The following EYA4 variants were observed in gnomAD, a reference collection of about 807,000 sequenced individuals.
The protein encoded by EYA4 is EYA transcriptional coactivator and phosphatase 4, also known as protein phosphatase EYA4.
Under a neutral mutation model 87.9 loss-of-function variants are expected in EYA4, and 31 were observed. The ratio of observed to expected loss-of-function variants is 0.35; its 90% CI spans 0.27 to 0.48. The LOEUF is 0.48. Among genes scored for constraint, EYA4 ranks in the 20% least tolerant of loss-of-function variants. The probability of loss-of-function intolerance (pLI) is 0.99; values close to 1 mark genes in which losing one functional copy is unlikely to be tolerated. For synonymous variants in EYA4, 263 were observed against 270.6 expected, an observed-to-expected ratio of 0.97 and a Z score of 0.28; for missense variants, 678 against 761.4, an observed-to-expected ratio of 0.89 and a Z score of 1.29.
At chr6:133,500,380 T>C (rs1045271537) in intron 13 of EYA4, among the ~76,000 whole-genome samples, 25 of 152,156 alleles carry the variant, frequency 1.6e-4, no homozygotes, top group African/African-American at 5.3e-4. Context: ...TACTTTTCCA[T>C]AACGCCTCTC....
intron 2 of EYA4, among the ~76,000 whole-genome samples, chr6:133,381,902 T>C (rs933972800): frequency 1.4e-4 from 22 of 152,338 alleles, no homozygotes; most frequent in African/African-American, 5.1e-4. Flanking sequence ...AGTGCTAAAC[T>C]TAATTGATAT....
At chr6:133,256,979 G>A (rs1246554580) in intron 1 of EYA4, among the ~76,000 whole-genome samples, 3 of 151,900 alleles carry the variant, frequency 2.0e-5, no homozygotes, top group Non-Finnish European at 4.4e-5. Flanking sequence ...AGAATTTCCT[G>A]TTATTCTAAG....
chr6:133,368,870 A>G (rs1463514428), intron 2 of EYA4, among the ~76,000 whole-genome samples: 1 of 152,232 alleles, frequency 6.6e-6, no homozygotes, highest in Admixed American at 6.5e-5. Context: ...TGTGCTGTCC[A>G]AACCTGAAAT....
intron 13 of EYA4, among the ~76,000 whole-genome samples, chr6:133,488,244 CT>C (rs1796844900): frequency 6.6e-6 from 1 of 152,038 alleles, no homozygotes; most frequent in Admixed American, 6.5e-5. Flanking sequence ...AGGTAGTTTC[CT>C]AATAGAGCAC....
chr6:133,367,158 G>T (rs1784912069), intron 2 of EYA4, among the ~76,000 whole-genome samples: 1 of 152,104 alleles, frequency 6.6e-6, no homozygotes, highest in African/African-American at 2.4e-5. Context: ...CTGGATCCTT[G>T]GGTCTTCTTC....
chr6:133,302,021 A>G (rs750209849), intron 2 of EYA4, among the ~76,000 whole-genome samples: 1 of 152,130 alleles, frequency 6.6e-6, no homozygotes, highest in South Asian at 2.1e-4. Flanking sequence ...AGAAAGGGAG[A>G]AGGGTATTCC....
At chr6:133,297,769 C>T in intron 2 of EYA4, among the ~76,000 whole-genome samples, 1 of 152,186 alleles carries the variant, frequency 6.6e-6, no homozygotes, top group East Asian at 1.9e-4. Flanking sequence ...TTTCTCTGAA[C>T]ATCTGATTCA....
At chr6:133,437,101 T>C (rs117883133) in intron 3 of EYA4, among the ~76,000 whole-genome samples, 4,216 of 152,266 alleles carry the variant, frequency 0.028, 96 homozygotes, top group Middle Eastern at 0.048. Flanking sequence ...CTAAGTTCAT[T>C]TTTTATATTG....
intron 13 of EYA4, among the ~76,000 whole-genome samples, chr6:133,493,618 C>A (rs1427100115): frequency 6.6e-6 from 1 of 152,138 alleles, no homozygotes; most frequent in Admixed American, 6.6e-5. Context: ...TAAAAAGCTT[C>A]TGCACAGCAA....
intron 17 of EYA4, among the ~76,000 whole-genome samples, chr6:133,519,969 T>C (rs546333866): frequency 5.8e-4 from 89 of 152,236 alleles, no homozygotes; most frequent in African/African-American, 2.1e-3. Flanking sequence ...AAACTCTCAA[T>C]TGATGGGACG....
chr6:133,242,813 T>A (rs184797104), intron 1 of EYA4, among the ~76,000 whole-genome samples: 34 of 152,252 alleles, frequency 2.2e-4, no homozygotes, highest in Admixed American at 7.2e-4. Context: ...GGATAGTGTT[T>A]CCCTTCACCA....
intron 1 of EYA4, among the ~76,000 whole-genome samples, chr6:133,246,106 A>C (rs1774386750): frequency 6.6e-6 from 1 of 152,230 alleles, no homozygotes. Context: ...GATTTGAGAC[A>C]GTTTCAGAGA....
intron 3 of EYA4, among the ~76,000 whole-genome samples, chr6:133,391,298 T>C (rs1414882650): frequency 6.6e-6 from 1 of 150,658 alleles, no homozygotes; most frequent in Admixed American, 6.6e-5. Context: ...GGCATGATCT[T>C]GGCTCACCAC....
chr6:133,322,232 A>C (rs1209418397), intron 2 of EYA4, among the ~76,000 whole-genome samples: 1 of 152,218 alleles, frequency 6.6e-6, no homozygotes, highest in East Asian at 1.9e-4. Flanking sequence ...TGAGAGTGAC[A>C]GAAGACATTA....
At chr6:133,267,674 C>T (rs751361468) in intron 1 of EYA4, among the ~76,000 whole-genome samples, 5 of 152,108 alleles carry the variant, frequency 3.3e-5, no homozygotes, top group African/African-American at 4.8e-5. Context: ...TGAACCACCA[C>T]GCCTGGCCCC....
intron 2 of EYA4, among the ~76,000 whole-genome samples, chr6:133,376,255 T>C (rs548038399): frequency 6.6e-6 from 1 of 151,980 alleles, no homozygotes; most frequent in South Asian, 2.1e-4. Context: ...TTATATTTTC[T>C]ACACAGTTCA....
chr6:133,423,390 A>T (rs1410199556), intron 3 of EYA4, among the ~76,000 whole-genome samples: 2 of 152,192 alleles, frequency 1.3e-5, no homozygotes, highest in Admixed American at 1.3e-4. Flanking sequence ...AATTGGCTGT[A>T]CCAATTTACA....
At chr6:133,376,642 C>G (rs1309035209) in intron 2 of EYA4, among the ~76,000 whole-genome samples, 1 of 151,698 alleles carries the variant, frequency 6.6e-6, no homozygotes, top group Non-Finnish European at 1.5e-5. Flanking sequence ...TGAGTTAATT[C>G]TCCTCAAAAG....
rs140668629 is a variant in EYA4, at chr6:133,376,783, A to G, written c.34-5609A>G. Among the ~76,000 whole-genome samples the G allele has an allele frequency of 4.2e-3, 641 of 152,146 alleles. 7 individuals are homozygous for G. Among genetic ancestry groups the G allele is most frequent in the African/African-American group, 0.015 (610 of 41,550 alleles). ...ATGGTATTTTCTACATATATTTTCC[A>G]GATATTGAAAGTATTAATTATTCTC... On this transcript the variant is annotated intron_variant, in intron 2 of 19. Coordinates refer to ENST00000355286, the MANE Select transcript of EYA4 (RefSeq NM_004100.5).
Sources: gnomAD v4.1 joint callset for allele counts (sites outside exome capture counted in the v4.1 genomes callset) on GRCh38, gnomAD v4.1.1 for gene constraint, MANE v1.5 for transcripts, NCBI Gene and HGNC (gene_info 2026-07-23, HGNC 2026-07-21) for gene names.